The following TNIK variants were observed in gnomAD, a reference collection of about 807,000 sequenced individuals.
TNIK encodes TRAF2 and NCK-interacting protein kinase.
In TNIK, 49 loss-of-function variants were observed where a neutral mutation model predicts 191.3. The ratio of observed to expected loss-of-function variants is 0.26; its 90% CI spans 0.20 to 0.32. The LOEUF (loss-of-function observed/expected upper bound fraction) is 0.32, where lower values mean the gene tolerates loss of function less well. Among genes scored for constraint, TNIK ranks in the 10% least tolerant of loss-of-function variants. TNIK has a pLI of 1.00. For missense variants in TNIK, 1,155 were observed against 1,702.3 expected (o/e 0.68, Z 5.66); for synonymous variants, 594 against 600.9 (o/e 0.99, Z 0.17).
chr3:171,256,784 T>C (rs34653267), intron 2 of TNIK, among the ~76,000 whole-genome samples: 2,784 of 152,112 alleles, frequency 0.018, 42 homozygotes, highest in Middle Eastern at 0.034. Flanking sequence ...GGTATTTGAG[T>C]TTGAGGCCAG....
chr3:171,453,963 C>A (rs1728497842), intron 1 of TNIK, among the ~76,000 whole-genome samples: 1 of 152,116 alleles, frequency 6.6e-6, no homozygotes, highest in Non-Finnish European at 1.5e-5. Context: ...TACTTAAGTC[C>A]TCCCTCTCTC....
At chr3:171,125,755 G>A (rs1292741837) in intron 17 of TNIK, among the ~76,000 whole-genome samples, 157 bp downstream of exon 17, 3 of 152,146 alleles carry the variant, frequency 2.0e-5, no homozygotes, top group African/African-American at 4.8e-5. Flanking sequence ...GGCAATCCAA[G>A]TCTTAGCCAG....
intron 1 of TNIK, among the ~76,000 whole-genome samples, chr3:171,442,571 A>C (rs1726957800): frequency 6.6e-6 from 1 of 152,172 alleles, no homozygotes; most frequent in East Asian, 1.9e-4. Context: ...AGTATCATAC[A>C]TATTTCACTG....
chr3:171,068,047 A>G (rs1478058140), intron 30 of TNIK, among the ~76,000 whole-genome samples: 1 of 152,188 alleles, frequency 6.6e-6, no homozygotes, highest in Non-Finnish European at 1.5e-5. Flanking sequence ...TTCCTGATAA[A>G]TAGTTTCTCC....
chr3:171,441,113 A>T (rs1726747894), intron 1 of TNIK, among the ~76,000 whole-genome samples: 1 of 152,194 alleles, frequency 6.6e-6, no homozygotes, highest in Admixed American at 6.5e-5. Flanking sequence ...TCCTAGAAAT[A>T]TCACAGAGAC....
chr3:171,079,634 C>T lies in TNIK; in HGVS notation c.3332G>A (p.Arg1111Gln), dbSNP rs1720416691. The change falls in exon 28 of 33, where the codon CGA (arginine) becomes CAA (glutamine). Residue 1111 changes from arginine (R) to glutamine (Q), a missense_variant. Arg to Gln is a conservative substitution (Grantham distance 43). Around this residue, in one of 3 missense-constraint regions of TNIK, gnomAD observed 195 missense variants for 415.4 expected, o/e 0.47. Transcript: ENST00000436636. ...TCTTAACCATGAAAGATAGTAAACT[C>T]GTAGCTTATTCTTCTTTCCTGTTGA... ...VTISGKKNKL[R>Q]VYYLSWLRNR... 1.2e-6 allele frequency: 2 copies of T among 1,611,146 alleles called. No individual in the cohort carries two copies. The highest frequency in any genetic ancestry group is 1.7e-6 in the Non-Finnish European group (2 of 1,178,596).
intron 12 of TNIK, among the ~76,000 whole-genome samples, chr3:171,152,657 T>TC (rs1560187668): frequency 1.3e-5 from 2 of 152,146 alleles, no homozygotes; most frequent in African/African-American, 4.8e-5. Flanking sequence ...GTCTTTTCAC[T>TC]CCAAGTGCAG....
At chr3:171,265,363 T>C (rs913180563) in intron 2 of TNIK, among the ~76,000 whole-genome samples, 1 of 152,138 alleles carries the variant, frequency 6.6e-6, no homozygotes, top group African/African-American at 2.4e-5. Flanking sequence ...TTTAAAGATG[T>C]GTGGATGCTC....
intron 1 of TNIK, among the ~76,000 whole-genome samples, chr3:171,398,168 A>G (rs1340149266): frequency 2.0e-5 from 3 of 152,190 alleles, no homozygotes; most frequent in Admixed American, 6.5e-5. Flanking sequence ...TACCAAAATA[A>G]CTGATGTTTT....
Position 171,376,890 on chromosome 3 carries a change from A to T in TNIK, c.58-7205T>A, listed in dbSNP as rs115075533. Among the ~76,000 whole-genome samples, 1,390 of 152,354 alleles carry T rather than the reference A, an allele frequency of 9.1e-3. 15 individuals are homozygous for T. Among genetic ancestry groups the T allele is most frequent in the African/African-American group, 0.029 (1,208 of 41,580 alleles). ...AAATTAAACTATGCAAACCTATCAC[A>T]GGACTGGTCCAAAACAATTAGGGTT... On this transcript the variant is annotated intron_variant, in intron 1 of 32. Transcript: ENST00000436636.
chr3:171,410,642 G>A (rs1307116237), intron 1 of TNIK, among the ~76,000 whole-genome samples: 1 of 152,046 alleles, frequency 6.6e-6, no homozygotes, highest in African/African-American at 2.4e-5. Flanking sequence ...GGCCAGGCGT[G>A]GTGGCAGGAG....
chr3:171,141,140 A>G (rs547795803), intron 12 of TNIK, among the ~76,000 whole-genome samples: 94 of 152,262 alleles, frequency 6.2e-4, no homozygotes, highest in African/African-American at 2.2e-3. Flanking sequence ...CATCATCATC[A>G]TCGTCATCGT....
intron 2 of TNIK, among the ~76,000 whole-genome samples, chr3:171,335,478 T>C (rs773387225): frequency 6.6e-6 from 1 of 152,210 alleles, no homozygotes; most frequent in African/African-American, 2.4e-5. Flanking sequence ...TCCATCCCTA[T>C]AGTTTTGCCT....
chr3:171,387,022 T>C (rs1426987660), intron 1 of TNIK, among the ~76,000 whole-genome samples: 9 of 152,272 alleles, frequency 5.9e-5, no homozygotes, highest in Non-Finnish European at 1.3e-4. Flanking sequence ...AGAGCAATTC[T>C]ATTCCTTAAA....
chr3:171,325,337 T>C (rs1285154795), intron 2 of TNIK, among the ~76,000 whole-genome samples: 1 of 152,024 alleles, frequency 6.6e-6, no homozygotes, highest in Non-Finnish European at 1.5e-5. Flanking sequence ...CGTCTAGGGA[T>C]TAAGAAGCTC....
chr3:171,373,630 G>A (rs541279976), intron 1 of TNIK, among the ~76,000 whole-genome samples: 10 of 152,214 alleles, frequency 6.6e-5, no homozygotes, highest in Admixed American at 2.0e-4. Flanking sequence ...TACAAGATAC[G>A]GTTCAAACTG....
chr3:171,107,581 C>T (rs1260367294), intron 20 of TNIK, among the ~76,000 whole-genome samples: 1 of 152,116 alleles, frequency 6.6e-6, no homozygotes, highest in Non-Finnish European at 1.5e-5. Context: ...AAGCTGGATG[C>T]TAAGTTGTTA....
intron 1 of TNIK, among the ~76,000 whole-genome samples, chr3:171,388,668 TTC>T (rs1192350386): frequency 6.6e-6 from 1 of 152,190 alleles, no homozygotes; most frequent in Non-Finnish European, 1.5e-5. Context: ...AGTTAGTCTG[TTC>T]ACAAACAACT....
chr3:171,325,683 C>T (rs1755674338), intron 2 of TNIK, among the ~76,000 whole-genome samples: 1 of 150,930 alleles, frequency 6.6e-6, no homozygotes, highest in African/African-American at 2.4e-5. Context: ...TAATTGTGGC[C>T]AGTACAAACA....
Sources: allele counts gnomAD v4.1 joint callset (sites outside exome capture counted in the v4.1 genomes callset), GRCh38; gene constraint gnomAD v4.1.1; regional missense constraint gnomAD v4.1.1; transcripts MANE v1.5; gene names NCBI Gene and HGNC (gene_info 2026-07-23, HGNC 2026-07-21).